PATJ: variants seen among roughly 807,000 people sequenced by gnomAD.
PATJ encodes the protein PATJ crumbs cell polarity complex component.
PATJ carries 190 observed loss-of-function variants against 224.9 expected under a neutral mutation model. That is an observed-to-expected ratio of 0.84 (90% CI 0.75 to 0.95). The LOEUF (loss-of-function observed/expected upper bound fraction) is 0.95. Ranked by LOEUF, PATJ falls within the 40% of genes least tolerant of loss-of-function variation. The probability of loss-of-function intolerance (pLI) is 0.00; values close to 1 mark genes in which losing one functional copy is unlikely to be tolerated. For synonymous variants in PATJ, 769 were observed against 820.3 expected, an observed-to-expected ratio of 0.94 and a Z score of 1.07; for missense variants, 2,121 against 2,270.3, an observed-to-expected ratio of 0.93 and a Z score of 1.34.
intron 27 of PATJ, among the ~76,000 whole-genome samples, chr1:61,942,325 T>A (rs888256507): frequency 6.6e-6 from 1 of 152,180 alleles, no homozygotes; most frequent in Non-Finnish European, 1.5e-5. Context: ...CTAACTCAAT[T>A]TTTGAAAATG....
intron 22 of PATJ, among the ~76,000 whole-genome samples, chr1:61,894,642 G>C (rs982858464): frequency 6.6e-6 from 1 of 152,312 alleles, no homozygotes. Flanking sequence ...GTGGAACTTT[G>C]AGTAAATTAA....
chr1:61,929,680 A>G lies in PATJ; in HGVS notation c.3670+1851A>G, dbSNP rs1258834981. On this transcript the variant is annotated intron_variant, in intron 27 of 43. Coordinates refer to ENST00000642238, the MANE Select transcript of PATJ (RefSeq NM_001350145.3). ...CCCATGTACTCTTACTCCAGAGCCT[A>G]TAACATCATCGATACTTGCTGTTAC... 3.3e-5 allele frequency among the ~76,000 whole-genome samples: 5 copies of G among 152,352 alleles called. No homozygotes were observed. In the East Asian group the frequency reaches 9.7e-4, roughly 29 times the overall value.
chr1:62,153,286 T>C, intron 42 of PATJ, 72 bp from the exon 43 acceptor site: 1 of 1,128,736 alleles, frequency 8.9e-7, no homozygotes, highest in Non-Finnish European at 1.1e-6. Context: ...CTCAAATCTG[T>C]ATTCTTCCAA....
At chr1:61,857,906 AT>A (rs549826271) in intron 18 of PATJ, among the ~76,000 whole-genome samples, 8 of 152,152 alleles carry the variant, frequency 5.3e-5, no homozygotes, top group Non-Finnish European at 1.2e-4. Flanking sequence ...TTCCGAAGGT[AT>A]TTTTTTAACT....
At chr1:62,089,186 C>A (rs1434489810) in intron 33 of PATJ, among the ~76,000 whole-genome samples, 1 of 152,148 alleles carries the variant, frequency 6.6e-6, no homozygotes. Flanking sequence ...CGCTGTTAAT[C>A]TGACTTTGTT....
At chr1:61,850,485 C>T (rs1214822397) in intron 17 of PATJ, among the ~76,000 whole-genome samples, 5 of 152,208 alleles carry the variant, frequency 3.3e-5, no homozygotes, top group Non-Finnish European at 2.9e-5. Context: ...ACATTCTGTA[C>T]CCTCTAACTT....
chr1:61,868,105 A>G (rs1178938512), intron 20 of PATJ, among the ~76,000 whole-genome samples: 1 of 152,194 alleles, frequency 6.6e-6, no homozygotes, highest in Non-Finnish European at 1.5e-5. Context: ...GAGTAAAAAC[A>G]CTAAAGGTCT....
rs573032646 is a variant in PATJ at position 61,785,524 on chromosome 1, A to G, written c.850-2230A>G. Reference sequence around the variant, plus strand: ...AAACTGTTTGTATCTCAATTTTCTCATTTGAAAGTTGTCCTTCTCTAAGTG... The same window carrying G: ...AAACTGTTTGTATCTCAATTTTCTCGTTTGAAAGTTGTCCTTCTCTAAGTG... On this transcript the variant is annotated intron_variant, in intron 7 of 43. Coordinates refer to ENST00000642238, the MANE Select transcript of PATJ (RefSeq NM_001350145.3). Among the ~76,000 whole-genome samples, 5 of 152,278 alleles carry G rather than the reference A, an allele frequency of 3.3e-5. No individual in the cohort carries two copies. The East Asian group carries it at 9.6e-4, about 29-fold the overall frequency.
At chr1:61,899,981 A>G (rs1399437404) in intron 23 of PATJ, among the ~76,000 whole-genome samples, 1 of 152,206 alleles carries the variant, frequency 6.6e-6, no homozygotes, top group Non-Finnish European at 1.5e-5. Context: ...CTTTTCTGGT[A>G]AACAACAGTA....
chr1:62,015,757 C>T (rs1646737608), intron 28 of PATJ, among the ~76,000 whole-genome samples: 1 of 152,092 alleles, frequency 6.6e-6, no homozygotes, highest in Non-Finnish European at 1.5e-5. Context: ...CAGTCTGTCA[C>T]CCACACTGGA....
chr1:61,890,155 C>T (rs935912871), intron 22 of PATJ, among the ~76,000 whole-genome samples: 13 of 152,078 alleles, frequency 8.5e-5, no homozygotes, highest in Admixed American at 3.9e-4. Flanking sequence ...TTTTGTCACC[C>T]GTAAAGTAGG....
intron 41 of PATJ, among the ~76,000 whole-genome samples, chr1:62,134,201 C>T (rs1198646297): frequency 4.1e-5 from 6 of 144,820 alleles, no homozygotes; most frequent in Admixed American, 1.4e-4. Flanking sequence ...ACCGTACTCT[C>T]GTCTTTTTTT....
At position 61,819,311 on chromosome 1, in the gene PATJ, G is replaced by A. The variant is rs546070938; in HGVS notation, c.1684-3634G>A. Among the ~76,000 whole-genome samples, 18 of 152,158 alleles carry A rather than the reference G, an allele frequency of 1.2e-4. No individual in the cohort carries two copies. In the South Asian group the frequency reaches 2.5e-3, roughly 21 times the overall value. ...CAACGGTCACACATTCCTTGGATGT[G>A]TTTCCTTATATTCTTTGCCTATCAT... On this transcript the variant is annotated intron_variant, in intron 14 of 43. Coordinates refer to ENST00000642238, the MANE Select transcript of PATJ (RefSeq NM_001350145.3).
chr1:61,858,418 C>T (rs1296864087), intron 18 of PATJ, among the ~76,000 whole-genome samples: 3 of 152,122 alleles, frequency 2.0e-5, no homozygotes, highest in East Asian at 3.9e-4. Context: ...CTCACCACCA[C>T]GCTCAGCTAA....
chr1:62,061,742 C>G (rs1201927244), intron 31 of PATJ, among the ~76,000 whole-genome samples: 6 of 151,942 alleles, frequency 3.9e-5, no homozygotes, highest in African/African-American at 1.5e-4. Flanking sequence ...TCACTGCAAG[C>G]TCCGCCTCCC....
Position 61,864,502 on chromosome 1 carries a change from T to C in PATJ, c.2704T>C (p.Ser902Pro). 1 of 1,614,104 alleles carries C rather than the reference T, an allele frequency of 6.2e-7. No individual in the cohort carries two copies. Reference protein sequence around the residue: ...SHIQEATPVPSVNELHFGTQW... With the variant: ...SHIQEATPVPPVNELHFGTQW... ...CATTCAAGAGGCCACTCCTGTGCCC[T>C]CTGTGAATGAACTTCACTTTGGTAC... The change falls in exon 20 of 44, where the codon TCT becomes CCT. Residue 902 changes from serine (S) to proline (P), a missense_variant. By Grantham distance (74) the Ser-to-Pro change is moderately conservative. Transcript: ENST00000642238.
chr1:62,053,255 C>CT (rs1310383487), intron 31 of PATJ, among the ~76,000 whole-genome samples: 1 of 152,212 alleles, frequency 6.6e-6, no homozygotes, highest in African/African-American at 2.4e-5. Flanking sequence ...TAGTGTCTGT[C>CT]TTTTTCCACT....
Position 61,762,904 on chromosome 1 carries a change from T to A in PATJ, c.12T>A (p.Asn4Lys). The A allele has an allele frequency of 6.5e-7, 1 of 1,550,138 alleles. No homozygotes were observed. Among genetic ancestry groups the A allele is most frequent in the East Asian group, 2.3e-5 (1 of 44,244 alleles). Residue 4 changes from asparagine (N) to lysine (K), a missense_variant, in exon 2 of 44, where the codon AAT (asparagine) becomes AAA (lysine). Transcript: ENST00000642238. ...GAGAATAATTCAAAATGCCTGAAAA[T>A]CCTGCTACAGGTATACTGGATATAT... MPE[N>K]PATDKLQVLQ...
At chr1:61,996,741 C>CTTTT (rs56215259) in intron 28 of PATJ, among the ~76,000 whole-genome samples, 64 of 97,378 alleles carry the variant, frequency 6.6e-4, no homozygotes, top group East Asian at 1.2e-3. Context: ...CTTTTCTTTT[C>CTTTT]TTTTTTTTTT....
Sources: allele counts gnomAD v4.1 joint callset (sites outside exome capture counted in the v4.1 genomes callset), GRCh38; gene constraint gnomAD v4.1.1; transcripts MANE v1.5; gene names NCBI Gene and HGNC (gene_info 2026-07-23, HGNC 2026-07-21).